ARHGAP28: variants seen among roughly 807,000 people sequenced by gnomAD.
ARHGAP28 encodes Rho GTPase activating protein 28, also known as rho GTPase-activating protein 28.
In ARHGAP28, 56 loss-of-function variants were observed where a neutral mutation model predicts 90.7. The observed-to-expected ratio is 0.62, with a 90% confidence interval of 0.50 to 0.77. The LOEUF (loss-of-function observed/expected upper bound fraction) is 0.77. ARHGAP28 is among the 30% of genes least tolerant of loss of function. The pLI is 0.00. For synonymous variants in ARHGAP28, 308 were observed against 323.3 expected, an observed-to-expected ratio of 0.95 and a Z score of 0.51; for missense variants, 869 against 900.9, an observed-to-expected ratio of 0.96 and a Z score of 0.45.
intron 5 of ARHGAP28, among the ~76,000 whole-genome samples, chr18:6,866,075 T>C (rs1389626162): frequency 6.6e-6 from 1 of 152,204 alleles, no homozygotes; most frequent in Non-Finnish European, 1.5e-5. Flanking sequence ...AAATGATATA[T>C]GTCAAGCATC....
In ARHGAP28 at chr18:6,876,212, C is replaced by G; in HGVS notation, c.1290+4C>G. ...AGGATGTACTGCTAAAGTCAAGGTA[C>G]CGAACATTTTGTCTCTTCCTAGGTA... On this transcript the variant is annotated splice_donor_region_variant and intron_variant, in intron 10 of 17. Transcript: ENST00000383472. 1 of 1,613,020 alleles carries G rather than the reference C, an allele frequency of 6.2e-7. No individual in the cohort carries two copies. The highest frequency in any genetic ancestry group is 8.5e-7 in the Non-Finnish European group (1 of 1,179,072).
intron 10 of ARHGAP28, among the ~76,000 whole-genome samples, chr18:6,880,534 C>T (rs2057169408): frequency 6.6e-6 from 1 of 152,224 alleles, no homozygotes; most frequent in Non-Finnish European, 1.5e-5. Context: ...TCCAGGCTGC[C>T]TCATTGCCTA....
chr18:6,886,056 CCT>C (rs1489676910), intron 11 of ARHGAP28, among the ~76,000 whole-genome samples: 1 of 152,036 alleles, frequency 6.6e-6, no homozygotes, highest in Non-Finnish European at 1.5e-5. Flanking sequence ...TATGATCCTC[CCT>C]CTCTCCCCAT....
At position 6,777,289 on chromosome 18, in the gene ARHGAP28, T is replaced by C. The variant is rs1431588851; in HGVS notation, c.122+47346T>C. ...GTAGTAAAAAATGACAAGTGTGTAA[T>C]GATGCCATTACTGAGACTGGGAAAA... On this transcript the variant is annotated intron_variant, in intron 1 of 17. Transcript: ENST00000383472. Among the ~76,000 whole-genome samples, 16 of 152,154 alleles carry C rather than the reference T, an allele frequency of 1.1e-4. 1 individual carries two copies. Among genetic ancestry groups the C allele is most frequent in the Admixed American group, 1.0e-3 (16 of 15,272 alleles).
At position 6,912,139 on chromosome 18, in the gene ARHGAP28, C is replaced by T. The variant is rs762864061; in HGVS notation, c.2175C>T (p.Pro725=). The change falls in exon 18 of 18, where the codon CCC becomes CCT. Residue 725 remains proline (P), a synonymous_variant. Coordinates refer to ENST00000383472, the MANE Select transcript of ARHGAP28 (RefSeq NM_001366230.1). ...CTCAAGCAGAATGGGTGATTAAACC[C>T]CAACAAAGTTCTTAAAATATCCTCG... ...INPQAEWVIK[P]QQSS 103 of 1,595,002 alleles carry T rather than the reference C, an allele frequency of 6.5e-5. No individual in the cohort carries two copies. Among genetic ancestry groups the T allele is most frequent in the Non-Finnish European group, 8.8e-5 (102 of 1,164,700 alleles).
At chr18:6,852,744 G>C (rs957611159) in intron 4 of ARHGAP28, among the ~76,000 whole-genome samples, 1 of 152,082 alleles carries the variant, frequency 6.6e-6, no homozygotes, top group African/African-American at 2.4e-5. Context: ...CTTCATACCC[G>C]TTAGTGTCAC....
Position 6,870,687 on chromosome 18 carries a change from T to C in ARHGAP28, c.909T>C (p.Asn303=). The change falls in exon 7 of 18, where the codon AAT becomes AAC. Residue 303 remains asparagine (N), a synonymous_variant. Coordinates refer to ENST00000383472, the MANE Select transcript of ARHGAP28 (RefSeq NM_001366230.1). ...SEMVTEALKR[N]KLKKSEIKKE... is the part of the protein sequence containing the mutation. Reference sequence around the variant, plus strand: ...TGGTTACGGAGGCTCTAAAAAGAAATAAACTTAAGAAATCAGAGATTAAGA... The same window carrying C: ...TGGTTACGGAGGCTCTAAAAAGAAACAAACTTAAGAAATCAGAGATTAAGA... The C allele has an allele frequency of 1.2e-6, 2 of 1,611,768 alleles. No individual in the cohort carries two copies. Among genetic ancestry groups the C allele is most frequent in the Middle Eastern group, 1.7e-4 (1 of 6,060 alleles).
At chr18:6,784,651 C>T (rs1284480107) in intron 1 of ARHGAP28, among the ~76,000 whole-genome samples, 1 of 152,180 alleles carries the variant, frequency 6.6e-6, no homozygotes, top group East Asian at 1.9e-4. Context: ...GGGATGAAGA[C>T]ATGATCATAG....
intron 7 of ARHGAP28, among the ~76,000 whole-genome samples, chr18:6,871,246 A>G: frequency 6.6e-6 from 1 of 152,132 alleles, no homozygotes; most frequent in East Asian, 1.9e-4. Flanking sequence ...TGTGGAGGAA[A>G]AGTTGTGAGG....
intron 1 of ARHGAP28, among the ~76,000 whole-genome samples, chr18:6,735,799 C>G (rs1429815744): frequency 6.6e-6 from 1 of 152,096 alleles, no homozygotes; most frequent in Admixed American, 6.6e-5. Context: ...AAGTGATCTG[C>G]CCACCTTGGC....
At position 6,873,678 on chromosome 18, in the gene ARHGAP28, A is replaced by G. The variant is rs764145709; in HGVS notation, c.1121-6A>G. 2 of 1,612,946 alleles carry G rather than the reference A, an allele frequency of 1.2e-6. No individual in the cohort carries two copies. Among genetic ancestry groups the G allele is most frequent in the Non-Finnish European group, 1.7e-6 (2 of 1,179,240 alleles). On this transcript the variant is annotated splice_region_variant and splice_polypyrimidine_tract_variant and intron_variant, in intron 8 of 17. Coordinates refer to ENST00000383472, the MANE Select transcript of ARHGAP28 (RefSeq NM_001366230.1). ...TTTTTTCCCCCTTTACTGTCTCACA[A>G]TGAAGACAATGGGATTTTTGGAGTT...
intron 4 of ARHGAP28, among the ~76,000 whole-genome samples, chr18:6,853,513 T>G (rs1321652023): frequency 6.6e-6 from 1 of 151,790 alleles, no homozygotes; most frequent in Non-Finnish European, 1.5e-5. Context: ...ACTCTTGTTG[T>G]CCAAGCTGGA....
At chr18:6,886,694 G>A (rs1313146568) in intron 11 of ARHGAP28, among the ~76,000 whole-genome samples, 2 of 152,144 alleles carry the variant, frequency 1.3e-5, no homozygotes, top group Non-Finnish European at 2.9e-5. Flanking sequence ...ATGCAACAGG[G>A]ATTAAATAAC....
At chr18:6,878,692 T>C (rs921414307) in intron 10 of ARHGAP28, among the ~76,000 whole-genome samples, 3 of 152,188 alleles carry the variant, frequency 2.0e-5, no homozygotes, top group Non-Finnish European at 4.4e-5. Context: ...TTTATGTAGT[T>C]TCAGCCTAAT....
At chr18:6,847,610 TGAGA>T (rs1217347368) in intron 3 of ARHGAP28, among the ~76,000 whole-genome samples, 11 of 123,676 alleles carry the variant, frequency 8.9e-5, no homozygotes, top group South Asian at 2.9e-4. Flanking sequence ...CACGAAAGGA[TGAGA>T]GAGAGAGAGA....
Position 6,912,332 on chromosome 18 carries a change from A to G in ARHGAP28, c.*178A>G, listed in dbSNP as rs1257543900. 3 of 396,868 alleles carry G rather than the reference A, an allele frequency of 7.6e-6. No homozygotes were observed. The highest frequency in any genetic ancestry group is 1.4e-5 in the Non-Finnish European group (3 of 221,660). 24.6% of individuals were successfully genotyped at this position (396,868 alleles called of 1,614,324 possible). On this transcript the variant is annotated 3_prime_UTR_variant, in exon 18 of 18. Coordinates refer to ENST00000383472, the MANE Select transcript of ARHGAP28 (RefSeq NM_001366230.1). ...GGAAGAGGCGCCGGTTCACCAATTC[A>G]ACTGAAGCTTTCTCATGACTTTTTT... is the stretch of plus-strand genomic sequence containing the variant.
chr18:6,792,497 T>G (rs984837951), intron 1 of ARHGAP28, among the ~76,000 whole-genome samples: 1 of 152,230 alleles, frequency 6.6e-6, no homozygotes, highest in African/African-American at 2.4e-5. Flanking sequence ...TATGCAGTAC[T>G]GTCCATGCAT....
intron 10 of ARHGAP28, among the ~76,000 whole-genome samples, chr18:6,878,654 G>C (rs1008941306): frequency 5.9e-5 from 9 of 152,086 alleles, no homozygotes; most frequent in African/African-American, 2.2e-4. Flanking sequence ...ACCACATACA[G>C]GTCAGTCTTT....
chr18:6,812,752 T>G (rs2056565930), intron 1 of ARHGAP28, among the ~76,000 whole-genome samples: 1 of 152,202 alleles, frequency 6.6e-6, no homozygotes, highest in South Asian at 2.1e-4. Context: ...CACTATCAAA[T>G]TATTTATTTG....
Sources: allele counts gnomAD v4.1 joint callset (sites outside exome capture counted in the v4.1 genomes callset), GRCh38; gene constraint gnomAD v4.1.1; transcripts MANE v1.5; gene names NCBI Gene and HGNC (gene_info 2026-07-23, HGNC 2026-07-21).